GMDS: variants seen among roughly 807,000 people sequenced by gnomAD.
The protein encoded by GMDS is GDP-mannose 4,6 dehydratase.
In GMDS, 20 loss-of-function variants were observed where a neutral mutation model predicts 49.9. That is an observed-to-expected ratio of 0.40 (90% CI 0.28 to 0.58). The LOEUF (loss-of-function observed/expected upper bound fraction) is 0.58, where lower values mean the gene tolerates loss of function less well. Ranked by LOEUF, GMDS falls within the 20% of genes least tolerant of loss-of-function variation. The pLI is 0.42. For missense variants in GMDS, 362 were observed against 481.4 expected, an observed-to-expected ratio of 0.75 and a Z score of 2.32; for synonymous variants, 177 against 178.6, an observed-to-expected ratio of 0.99 and a Z score of 0.07.
chr6:2,041,408 A>C (rs1769670326), intron 4 of GMDS, among the ~76,000 whole-genome samples: 1 of 152,228 alleles, frequency 6.6e-6, no homozygotes, highest in Non-Finnish European at 1.5e-5. Context: ...TGATAGTAAC[A>C]CCCATGACAT....
intron 7 of GMDS, among the ~76,000 whole-genome samples, chr6:1,916,345 G>GGGCT (rs1761396604): frequency 6.6e-6 from 1 of 151,980 alleles, no homozygotes; most frequent in African/African-American, 2.4e-5. Flanking sequence ...CGGGGGTGGG[G>GGGCT]GGCTGTTCAT....
chr6:2,200,276 C>T (rs1179882413), intron 1 of GMDS, among the ~76,000 whole-genome samples: 1 of 152,064 alleles, frequency 6.6e-6, no homozygotes, highest in African/African-American at 2.4e-5. Flanking sequence ...GGATGGGAGC[C>T]TCAGTAGAAG....
intron 9 of GMDS, among the ~76,000 whole-genome samples, chr6:1,690,596 T>C (rs1765137306): frequency 6.6e-6 from 1 of 152,172 alleles, no homozygotes; most frequent in Admixed American, 6.5e-5. Flanking sequence ...GAGAAAAGTT[T>C]TGCAATCTAT....
chr6:2,206,963 G>C (rs1243434253), intron 1 of GMDS, among the ~76,000 whole-genome samples: 1 of 152,194 alleles, frequency 6.6e-6, no homozygotes, highest in Admixed American at 6.5e-5. Context: ...CACACTCCCA[G>C]AAGTCTTAGT....
chr6:1,665,100 T>A (rs958116816), intron 9 of GMDS, among the ~76,000 whole-genome samples: 2 of 152,064 alleles, frequency 1.3e-5, no homozygotes, highest in Non-Finnish European at 2.9e-5. Context: ...TACTTTTTAA[T>A]TTTTTTTATT....
Position 2,054,206 on chromosome 6 carries a change from G to A in GMDS, c.345+61565C>T, listed in dbSNP as rs561139552. Among the ~76,000 whole-genome samples the A allele has an allele frequency of 8.5e-5, 13 of 152,150 alleles. No homozygotes were observed. The South Asian group carries it at 1.0e-3, about 12-fold the overall frequency. The stretch of plus-strand genomic sequence containing the variant: ...TGTCTTCTTCACAAGAAACATCTGC[G>A]GGTATTAAAAAGGAAGATATCCAGA... On this transcript the variant is annotated intron_variant, in intron 4 of 10. Transcript: ENST00000380815.
chr6:1,864,655 T>C (rs527643129), intron 7 of GMDS, among the ~76,000 whole-genome samples: 2 of 152,202 alleles, frequency 1.3e-5, no homozygotes, highest in African/African-American at 4.8e-5. Context: ...ATGGGAAAAA[T>C]GTGAACCTTG....
intron 7 of GMDS, among the ~76,000 whole-genome samples, chr6:1,796,435 C>T (rs1163603113): frequency 6.6e-6 from 1 of 152,184 alleles, no homozygotes; most frequent in East Asian, 1.9e-4. Context: ...TCTCAGGCCT[C>T]ACGCCTGCAG....
At chr6:2,110,763 T>C (rs1455212362) in intron 4 of GMDS, among the ~76,000 whole-genome samples, 1 of 152,046 alleles carries the variant, frequency 6.6e-6, no homozygotes, top group Non-Finnish European at 1.5e-5. Flanking sequence ...CACAGAGACT[T>C]GAAAAGGAAA....
At chr6:2,173,607 G>A (rs539219492) in intron 1 of GMDS, among the ~76,000 whole-genome samples, 4 of 152,304 alleles carry the variant, frequency 2.6e-5, no homozygotes, top group Admixed American at 2.6e-4. Flanking sequence ...GAGAAGTAGT[G>A]AAAACAGGAA....
intron 4 of GMDS, among the ~76,000 whole-genome samples, chr6:2,047,953 A>G (rs1292918405): frequency 6.6e-6 from 1 of 152,232 alleles, no homozygotes; most frequent in Non-Finnish European, 1.5e-5. Flanking sequence ...AGATACTTTT[A>G]GATGAAGCTA....
intron 7 of GMDS, among the ~76,000 whole-genome samples, chr6:1,825,383 A>C (rs1276354611): frequency 1.3e-5 from 2 of 152,260 alleles, no homozygotes; most frequent in African/African-American, 4.8e-5. Flanking sequence ...ATAGCAGACA[A>C]ATAAATTAAA....
chr6:2,080,769 C>A (rs1772644442), intron 4 of GMDS, among the ~76,000 whole-genome samples: 1 of 152,068 alleles, frequency 6.6e-6, no homozygotes, highest in African/African-American at 2.4e-5. Context: ...TGTTACAGGT[C>A]CAAGCAGGCC....
At chr6:1,923,345 C>T (rs919866432) in intron 7 of GMDS, among the ~76,000 whole-genome samples, 4 of 152,220 alleles carry the variant, frequency 2.6e-5, no homozygotes, top group African/African-American at 9.6e-5. Flanking sequence ...AGGGCAGCTG[C>T]TCCACGTGAC....
At chr6:2,024,362 G>A (rs1229756007) in intron 4 of GMDS, among the ~76,000 whole-genome samples, 1 of 152,080 alleles carries the variant, frequency 6.6e-6, no homozygotes, top group African/African-American at 2.4e-5. Flanking sequence ...AGAAATAACA[G>A]TGAGTAAAGA....
chr6:2,027,897 A>G (rs1035637740), intron 4 of GMDS, among the ~76,000 whole-genome samples: 1 of 152,172 alleles, frequency 6.6e-6, no homozygotes, highest in Non-Finnish European at 1.5e-5. Flanking sequence ...ATGATACAAT[A>G]TATAAACTCA....
At chr6:1,753,891 G>T (rs1020389310) in intron 7 of GMDS, among the ~76,000 whole-genome samples, 27 of 152,152 alleles carry the variant, frequency 1.8e-4, no homozygotes, top group African/African-American at 6.5e-4. Flanking sequence ...GCAGTGTTTA[G>T]AGGGTAATTT....
intron 7 of GMDS, among the ~76,000 whole-genome samples, chr6:1,876,236 C>A (rs7758701): frequency 0.029 from 4,350 of 149,154 alleles, 206 homozygotes; most frequent in African/African-American, 0.1. Context: ...CCAACCTGGG[C>A]AACAAGAGCG....
At chr6:1,915,323 C>T (rs865860144) in intron 7 of GMDS, among the ~76,000 whole-genome samples, 14 of 152,168 alleles carry the variant, frequency 9.2e-5, no homozygotes, top group African/African-American at 1.9e-4. Flanking sequence ...GCAGACAAGG[C>T]GGGAAATGGC....
Sources: allele counts gnomAD v4.1 joint callset (sites outside exome capture counted in the v4.1 genomes callset), GRCh38; gene constraint gnomAD v4.1.1; transcripts MANE v1.5; gene names NCBI Gene and HGNC (gene_info 2026-07-23, HGNC 2026-07-21).